The following RASGRF1 variants were observed in gnomAD, a reference collection of about 807,000 sequenced individuals.
RASGRF1 encodes ras-specific guanine nucleotide-releasing factor 1.
A neutral mutation model predicts 138.7 loss-of-function variants in RASGRF1; 40 were observed. The ratio of observed to expected loss-of-function variants is 0.29; its 90% CI spans 0.22 to 0.38. The LOEUF (loss-of-function observed/expected upper bound fraction) is 0.38, where lower values mean the gene tolerates loss of function less well. Among genes scored for constraint, RASGRF1 ranks in the 10% least tolerant of loss-of-function variants. The probability of loss-of-function intolerance (pLI) is 1.00; values close to 1 mark genes in which losing one functional copy is unlikely to be tolerated. For missense variants in RASGRF1, 1,108 were observed against 1,650.4 expected (o/e 0.67, Z 5.69); for synonymous variants, 614 against 663.2 (o/e 0.93, Z 1.14).
At chr15:79,018,072 C>T (rs2056906271) in intron 11 of RASGRF1, among the ~76,000 whole-genome samples, 166 bp from the exon 12 acceptor site, 1 of 152,220 alleles carries the variant, frequency 6.6e-6, no homozygotes, top group African/African-American at 2.4e-5. Flanking sequence ...GTGGGAAATC[C>T]CCATTTCAAA....
intron 3 of RASGRF1, among the ~76,000 whole-genome samples, chr15:79,052,540 C>T (rs2141036606): frequency 6.6e-6 from 1 of 152,260 alleles, no homozygotes. Context: ...GTGCCCCTTC[C>T]TTGGAGGAGC....
Position 79,001,729 on chromosome 15 carries a change from A to C in RASGRF1, c.2508T>G (p.Gly836=). 6.2e-7 allele frequency: 1 copy of C among 1,610,566 alleles called. No homozygotes were observed. The highest frequency in any genetic ancestry group is 8.5e-7 in the Non-Finnish European group (1 of 1,176,888). The change falls in exon 16 of 27, where the codon GGT becomes GGG. Residue 836 remains glycine (G), a synonymous_variant. Transcript: ENST00000558480. Reference sequence around the variant, plus strand: ...ATTTAGTTGGTGATGTTTCAGTATCACCATCATCACTCTGGTTTTGATCAA... The same window carrying C: ...ATTTAGTTGGTGATGTTTCAGTATCCCCATCATCACTCTGGTTTTGATCAA... ...SDIDQNQSDD[G]DTETSPTKSP...
At chr15:79,000,392 G>C (rs1439825128) in intron 16 of RASGRF1, among the ~76,000 whole-genome samples, 2 of 152,146 alleles carry the variant, frequency 1.3e-5, no homozygotes, top group African/African-American at 4.8e-5. Context: ...CCAGCCACCT[G>C]AGTTGAAATT....
intron 2 of RASGRF1, among the ~76,000 whole-genome samples, chr15:79,059,646 A>G (rs997844332): frequency 2.6e-5 from 4 of 152,044 alleles, no homozygotes; most frequent in Non-Finnish European, 5.9e-5. Flanking sequence ...TGCCCCCTTT[A>G]GTGGTTTTGT....
chr15:78,998,664 TG>T, intron 18 of RASGRF1, 54 bp downstream of exon 18: 1 of 1,446,690 alleles, frequency 6.9e-7, no homozygotes. Context: ...AGCTGGTTCC[TG>T]GGGCCATTGC....
chr15:79,042,503 G>T (rs896419488), intron 5 of RASGRF1, among the ~76,000 whole-genome samples: 1 of 152,360 alleles, frequency 6.6e-6, no homozygotes, highest in South Asian at 2.1e-4. Context: ...TTCTCCAACA[G>T]AGGGTGCATG....
At chr15:79,022,548 C>T (rs1201531149) in intron 10 of RASGRF1, among the ~76,000 whole-genome samples, 1 of 145,784 alleles carries the variant, frequency 6.9e-6, no homozygotes, top group Non-Finnish European at 1.5e-5. Context: ...TAAAAACATG[C>T]TTTTGGATTT....
At chr15:79,051,568 G>T (rs2057430800) in intron 3 of RASGRF1, among the ~76,000 whole-genome samples, 1 of 152,124 alleles carries the variant, frequency 6.6e-6, no homozygotes, top group Admixed American at 6.5e-5. Flanking sequence ...TTTGGGATTT[G>T]CACATAGCAC....
intron 1 of RASGRF1, among the ~76,000 whole-genome samples, chr15:79,068,714 C>T (rs112780805): frequency 4.7e-4 from 72 of 152,076 alleles, no homozygotes; most frequent in African/African-American, 1.6e-3. Context: ...GGGTCTTTCC[C>T]TGCACTTCTG....
rs146486161 is a variant in RASGRF1 at position 78,978,424 on chromosome 15, C to T, written c.3494+2196G>A. 31 of 735,642 alleles carry T rather than the reference C, an allele frequency of 4.2e-5. No individual in the cohort carries two copies. The East Asian group carries it at 3.8e-3, about 90-fold the overall frequency. The allele number at this position is 735,642 out of a possible 1,614,324, so 45.6% of individuals were successfully genotyped here. A position where few individuals can be genotyped will look rare whatever the true frequency, so the allele number is the denominator to read the frequency against. On this transcript the variant is annotated intron_variant, in intron 24 of 26. Coordinates refer to ENST00000558480, the MANE Select transcript of RASGRF1 (RefSeq NM_001145648.3). ...ATTTTCAGTAGAGACAGGGTTTTGC[C>T]ATGTTGGCAAGGTTGGTTTCTAGCT... is the stretch of plus-strand genomic sequence containing the variant.
intron 20 of RASGRF1, among the ~76,000 whole-genome samples, chr15:78,993,372 A>AGT (rs144031196): frequency 0.28 from 34,988 of 127,020 alleles, 4,209 homozygotes; most frequent in Middle Eastern, 0.31. Flanking sequence ...TGGTGTGTGT[A>AGT]GTGTGTGTGT....
chr15:79,057,653 T>C lies in RASGRF1; in HGVS notation c.531+681A>G, dbSNP rs574490218. Among the ~76,000 whole-genome samples, 23 of 152,140 alleles carry C rather than the reference T, an allele frequency of 1.5e-4. No homozygotes were observed. The South Asian group carries it at 4.8e-3, about 32-fold the overall frequency. The stretch of plus-strand genomic sequence containing the variant: ...GACTAAGAGCTAGTGCTTCCTAAGG[T>C]TTAATGTAAATGGAATCACCTGGGC... On this transcript the variant is annotated intron_variant, in intron 3 of 26. Coordinates refer to ENST00000558480, the MANE Select transcript of RASGRF1 (RefSeq NM_001145648.3).
intron 10 of RASGRF1, among the ~76,000 whole-genome samples, chr15:79,021,717 G>C (rs1296430576): frequency 6.6e-6 from 1 of 152,182 alleles, no homozygotes; most frequent in Non-Finnish European, 1.5e-5. Flanking sequence ...TCAAATCCCA[G>C]CCCTGCCACG....
intron 16 of RASGRF1, among the ~76,000 whole-genome samples, chr15:79,000,674 C>T (rs2056502618): frequency 6.6e-6 from 1 of 152,146 alleles, no homozygotes; most frequent in African/African-American, 2.4e-5. Flanking sequence ...CATCTTGTCT[C>T]TGGAAAGCAA....
At chr15:79,078,473 T>C (rs1213538090) in intron 1 of RASGRF1, among the ~76,000 whole-genome samples, 2 of 152,160 alleles carry the variant, frequency 1.3e-5, no homozygotes. Flanking sequence ...AGTCAGGGAA[T>C]ACTTCCTGCA....
chr15:78,983,531 G>A (rs545235110), intron 23 of RASGRF1, among the ~76,000 whole-genome samples: 2 of 152,318 alleles, frequency 1.3e-5, no homozygotes, highest in African/African-American at 2.4e-5. Flanking sequence ...AAGCCTAAGT[G>A]GGGTGGGAAA....
At position 79,022,265 on chromosome 15, in the gene RASGRF1, C is replaced by T. The variant is rs56884770; in HGVS notation, c.1543-2161G>A. Among the ~76,000 whole-genome samples the T allele has an allele frequency of 3.0e-3, 453 of 152,220 alleles. 2 individuals carry two copies. The highest frequency in any genetic ancestry group is 8.1e-3 in the African/African-American group (338 of 41,528). ...GACCAGCCTGACCAACATGGTGAAA[C>T]CCCGTCTCTACTAAAAATACAAAAA... On this transcript the variant is annotated intron_variant, in intron 10 of 26. Coordinates refer to ENST00000558480, the MANE Select transcript of RASGRF1 (RefSeq NM_001145648.3).
chr15:78,996,468 GGATCAGCCTGGCA>G (rs536657036), intron 19 of RASGRF1, among the ~76,000 whole-genome samples: 89 of 152,270 alleles, frequency 5.8e-4, no homozygotes, highest in African/African-American at 1.9e-3. Flanking sequence ...GTGGCTCTCT[GGATCAGCCTGGCA>G]GAAGGCATTG....
At chr15:79,082,109 T>G (rs1213300647) in intron 1 of RASGRF1, among the ~76,000 whole-genome samples, 1 of 152,164 alleles carries the variant, frequency 6.6e-6, no homozygotes, top group African/African-American at 2.4e-5. Flanking sequence ...CAGATTTGCA[T>G]TTTAGAAAGA....
Sources: allele counts gnomAD v4.1 joint callset (sites outside exome capture counted in the v4.1 genomes callset), GRCh38; gene constraint gnomAD v4.1.1; transcripts MANE v1.5; gene names NCBI Gene and HGNC (gene_info 2026-07-23, HGNC 2026-07-21).